FGF12: variants seen among roughly 807,000 people sequenced by gnomAD.
FGF12 encodes the protein fibroblast growth factor 12B.
In FGF12, 14 loss-of-function variants were observed where a neutral mutation model predicts 23.6. The observed-to-expected ratio is 0.59, with a 90% CI of 0.39 to 0.93. FGF12 has a LOEUF of 0.93. Among genes scored for constraint, FGF12 ranks in the 40% least tolerant of loss-of-function variants. FGF12 has a pLI of 0.00. For missense variants in FGF12, 175 were observed against 217.8 expected, an observed-to-expected ratio of 0.80 and a Z score of 1.24; for synonymous variants, 62 against 77.3, an observed-to-expected ratio of 0.80 and a Z score of 1.04.
intron 4 of FGF12, among the ~76,000 whole-genome samples, chr3:192,214,938 C>T (rs1447927121): frequency 6.6e-6 from 1 of 152,234 alleles, no homozygotes; most frequent in Non-Finnish European, 1.5e-5. Context: ...ATTTATTCCA[C>T]AGCTGCTGGG....
intron 4 of FGF12, among the ~76,000 whole-genome samples, chr3:192,330,028 T>C (rs1014109399): frequency 2.6e-5 from 4 of 152,180 alleles, no homozygotes; most frequent in African/African-American, 9.6e-5. Context: ...TAAAAGGCAC[T>C]GTGAGATTAA....
chr3:192,293,719 C>A (rs969021345), intron 4 of FGF12, among the ~76,000 whole-genome samples: 1 of 152,160 alleles, frequency 6.6e-6, no homozygotes. Flanking sequence ...ATATATTCAA[C>A]ATTTGCCTGC....
intron 3 of FGF12, among the ~76,000 whole-genome samples, chr3:192,352,044 CTT>C (rs67660525): frequency 2.7e-4 from 41 of 149,720 alleles, no homozygotes; most frequent in Non-Finnish European, 5.1e-4. Context: ...ATATTTTTTT[CTT>C]TTTTTTTTGT....
intron 4 of FGF12, among the ~76,000 whole-genome samples, chr3:192,196,015 T>C (rs1186561818): frequency 6.6e-6 from 1 of 152,184 alleles, no homozygotes; most frequent in Non-Finnish European, 1.5e-5. Context: ...CCATTCCCCC[T>C]TCCCCCAACC....
chr3:192,498,857 C>A (rs1055239113), intron 2 of FGF12, among the ~76,000 whole-genome samples: 1 of 152,238 alleles, frequency 6.6e-6, no homozygotes, highest in Admixed American at 6.5e-5. Context: ...GTCCACAACA[C>A]AGACTGAAAA....
intron 4 of FGF12, among the ~76,000 whole-genome samples, chr3:192,216,385 G>T (rs2108686699): frequency 6.6e-6 from 1 of 152,136 alleles, no homozygotes; most frequent in Non-Finnish European, 1.5e-5. Flanking sequence ...ACAACAAAAT[G>T]GAAATTATTT....
At chr3:192,675,111 G>A (rs190274641) in intron 2 of FGF12, among the ~76,000 whole-genome samples, 4 of 152,116 alleles carry the variant, frequency 2.6e-5, no homozygotes, top group African/African-American at 9.7e-5. Flanking sequence ...ACAGTCTTAG[G>A]GATAGAGTAA....
chr3:192,256,469 T>A (rs1320455881), intron 4 of FGF12, among the ~76,000 whole-genome samples: 3 of 151,500 alleles, frequency 2.0e-5, no homozygotes, highest in Admixed American at 6.6e-5. Context: ...AAATTGTACA[T>A]ATTTTATATA....
chr3:192,168,638 C>CTTCT (rs1280029767), intron 5 of FGF12, among the ~76,000 whole-genome samples: 1 of 152,202 alleles, frequency 6.6e-6, no homozygotes, highest in Non-Finnish European at 1.5e-5. Flanking sequence ...CGCATATATT[C>CTTCT]TTCTTTGTCT....
At chr3:192,681,885 C>T (rs1020999717) in intron 2 of FGF12, among the ~76,000 whole-genome samples, 16 of 152,144 alleles carry the variant, frequency 1.1e-4, no homozygotes, top group Admixed American at 4.6e-4. Context: ...AGAATGACTG[C>T]ATTTTTTAAA....
At chr3:192,365,483 A>C (rs1718937745) in intron 2 of FGF12, among the ~76,000 whole-genome samples, 1 of 152,136 alleles carries the variant, frequency 6.6e-6, no homozygotes, top group Non-Finnish European at 1.5e-5. Context: ...CATTGTGACA[A>C]ATATTGTACA....
chr3:192,661,252 T>C (rs1030316198), intron 2 of FGF12, among the ~76,000 whole-genome samples: 2 of 152,232 alleles, frequency 1.3e-5, no homozygotes, highest in African/African-American at 4.8e-5. Context: ...CTGGGCGCTG[T>C]GGCTCACGCC....
chr3:192,333,642 TA>T (rs997696548), intron 4 of FGF12, among the ~76,000 whole-genome samples: 18 of 151,576 alleles, frequency 1.2e-4, no homozygotes, highest in Admixed American at 5.9e-4. Flanking sequence ...TTTTCAGGAG[TA>T]AAAAAAATAA....
At chr3:192,464,257 C>A (rs1722943477) in intron 2 of FGF12, among the ~76,000 whole-genome samples, 1 of 152,048 alleles carries the variant, frequency 6.6e-6, no homozygotes, top group Non-Finnish European at 1.5e-5. Context: ...GTATACTGTA[C>A]CCAGTGGGTA....
chr3:192,238,444 G>T (rs1719420618), intron 4 of FGF12: 1 of 152,364 alleles, frequency 6.6e-6, no homozygotes, highest in Non-Finnish European at 1.5e-5. Flanking sequence ...GGAGGTCATG[G>T]TTGGAGTGTG....
At chr3:192,622,775 T>TGCACACACACTTACACACAGAC (rs1211646066) in intron 2 of FGF12, among the ~76,000 whole-genome samples, 1 of 152,210 alleles carries the variant, frequency 6.6e-6, no homozygotes, top group East Asian at 1.9e-4. Flanking sequence ...AGGACCCAAA[T>TGCACACACACTTACACACAGAC]GCACACACAC....
rs562667511 is a variant in FGF12 at position 192,197,979 on chromosome 3, G to A, written c.229-27323C>T. ...AAAAAAAAAAAAAAAAAAGTCCTCC[G>A]GGGGTCCCGAGTGCCAAACTACAAA... On this transcript the variant is annotated intron_variant, in intron 4 of 5. Transcript: ENST00000445105. Among the ~76,000 whole-genome samples the A allele has an allele frequency of 5.4e-5, 8 of 147,922 alleles. No homozygotes were observed. The East Asian group carries it at 1.2e-3, about 22-fold the overall frequency.
At chr3:192,538,921 T>C in intron 2 of FGF12, among the ~76,000 whole-genome samples, 1 of 152,212 alleles carries the variant, frequency 6.6e-6, no homozygotes, top group East Asian at 1.9e-4. Flanking sequence ...GGGATTGCTT[T>C]CTTGATTTCT....
In FGF12 at chr3:192,280,554, T is replaced by C. The variant is rs996245531; in HGVS notation, c.228+54807A>G. ...AGTCGCTGAGCAGAAATTTTTATAG[T>C]ATCTGACATGATTTAGGCACTTCTT... On this transcript the variant is annotated intron_variant, in intron 4 of 5. Transcript: ENST00000445105. Among the ~76,000 whole-genome samples, 4 of 152,206 alleles carry C rather than the reference T, an allele frequency of 2.6e-5. No homozygotes were observed. In the South Asian group the frequency reaches 8.3e-4, roughly 31 times the overall value.
Sources: gnomAD v4.1 joint callset for allele counts (sites outside exome capture counted in the v4.1 genomes callset) on GRCh38, gnomAD v4.1.1 for gene constraint, MANE v1.5 for transcripts, NCBI Gene and HGNC (gene_info 2026-07-23, HGNC 2026-07-21) for gene names.